The following MCTP1 variants were observed in gnomAD, a reference collection of about 807,000 sequenced individuals.
MCTP1 encodes multiple C2 and transmembrane domain-containing protein 1.
A neutral mutation model predicts 120.6 loss-of-function variants in MCTP1; 69 were observed. The ratio of observed to expected loss-of-function variants is 0.57; its 90% CI spans 0.47 to 0.70. The LOEUF (loss-of-function observed/expected upper bound fraction) is 0.70, where lower values mean the gene tolerates loss of function less well. Ranked by LOEUF, MCTP1 falls within the 30% of genes least tolerant of loss-of-function variation. The pLI, the probability that MCTP1 is intolerant of heterozygous loss-of-function variation, is 0.00. For missense variants in MCTP1, 1,203 were observed against 1,248.8 expected, an observed-to-expected ratio of 0.96 and a Z score of 0.55; for synonymous variants, 529 against 493.1, an observed-to-expected ratio of 1.07 and a Z score of -0.96.
chr5:94,840,553 C>T (rs982871820), intron 17 of MCTP1, among the ~76,000 whole-genome samples: 3 of 152,166 alleles, frequency 2.0e-5, no homozygotes, highest in Admixed American at 6.5e-5. Context: ...GGTTCTCACC[C>T]TTTTCATATA....
intron 1 of MCTP1, among the ~76,000 whole-genome samples, chr5:95,229,863 C>T (rs1220999827): frequency 6.6e-6 from 1 of 151,946 alleles, no homozygotes; most frequent in Non-Finnish European, 1.5e-5. Context: ...TGGGAAAAGT[C>T]CCTGGGAAAA....
At chr5:95,009,056 A>AAGAGAGAGAGAGAGAGAG (rs201724037) in intron 2 of MCTP1, among the ~76,000 whole-genome samples, 5 of 129,558 alleles carry the variant, frequency 3.9e-5, no homozygotes, top group South Asian at 2.7e-4. Flanking sequence ...GAGAGGGAGA[A>AAGAGAGAGAGAGAGAGAG]AGAGAGAGAG....
intron 20 of MCTP1, among the ~76,000 whole-genome samples, chr5:94,712,028 A>G (rs900985189): frequency 6.6e-6 from 1 of 152,096 alleles, no homozygotes; most frequent in Admixed American, 6.6e-5. Context: ...AATTTCTCCT[A>G]AGTGTTCATC....
chr5:95,011,146 T>C lies in MCTP1; in HGVS notation c.838+6221A>G, dbSNP rs555981476. ...GTTTCTATTTTTCTCTTTGTAATTCTTACACAGCTCATGGAGAAATACTTC... is the reference window on the plus strand; with the variant it reads ...GTTTCTATTTTTCTCTTTGTAATTCCTACACAGCTCATGGAGAAATACTTC... On this transcript the variant is annotated intron_variant, in intron 2 of 22. Transcript: ENST00000515393. 2.0e-5 allele frequency among the ~76,000 whole-genome samples: 3 copies of C among 152,260 alleles called. No individual in the cohort carries two copies. The South Asian group carries it at 6.2e-4, about 32-fold the overall frequency.
chr5:95,141,370 A>G (rs1759917582), intron 1 of MCTP1, among the ~76,000 whole-genome samples: 2 of 152,366 alleles, frequency 1.3e-5, no homozygotes, highest in Admixed American at 1.3e-4. Flanking sequence ...ACACTTCAGT[A>G]ATCCACTAAA....
chr5:95,211,408 G>A (rs200712996), intron 1 of MCTP1, among the ~76,000 whole-genome samples: 180 of 151,934 alleles, frequency 1.2e-3, no homozygotes, highest in East Asian at 4.1e-3. Flanking sequence ...TTCCCTTCTC[G>A]CTTCATTTAA....
In MCTP1 at chr5:94,758,976, G is replaced by T. The variant is rs1770632935; in HGVS notation, c.2610+20134C>A. ...CCTTTTTTAATGCTATGAAATTCAT[G>T]CTGAGTAGAGAAAACCTATGCTTGA... On this transcript the variant is annotated intron_variant, in intron 19 of 22. Coordinates refer to ENST00000515393, the MANE Select transcript of MCTP1 (RefSeq NM_024717.7). Among the ~76,000 whole-genome samples the T allele has an allele frequency of 2.0e-5, 3 of 152,082 alleles. No individual in the cohort carries two copies. The South Asian group carries it at 6.2e-4, about 32-fold the overall frequency.
intron 1 of MCTP1, among the ~76,000 whole-genome samples, chr5:95,132,723 A>C (rs1323831222): frequency 6.6e-6 from 1 of 151,984 alleles, no homozygotes; most frequent in African/African-American, 2.4e-5. Flanking sequence ...AGCTTACATC[A>C]TTTCCTCGGG....
chr5:95,223,739 A>G (rs572247298), intron 1 of MCTP1, among the ~76,000 whole-genome samples: 14 of 152,332 alleles, frequency 9.2e-5, no homozygotes, highest in African/African-American at 3.4e-4. Context: ...AAGGAACACC[A>G]AACACTGCAA....
intron 1 of MCTP1, among the ~76,000 whole-genome samples, chr5:95,274,529 T>C (rs1005855718): frequency 1.3e-4 from 20 of 152,206 alleles, no homozygotes; most frequent in African/African-American, 4.8e-4. Flanking sequence ...TCCCTCTCCA[T>C]AGGCTCTGCC....
At chr5:94,951,071 C>G (rs1362750940) in intron 3 of MCTP1, among the ~76,000 whole-genome samples, 2 of 152,008 alleles carry the variant, frequency 1.3e-5, no homozygotes, top group African/African-American at 2.4e-5. Flanking sequence ...GAATAACATA[C>G]ATTGCACCCA....
intron 1 of MCTP1, among the ~76,000 whole-genome samples, chr5:95,177,555 G>A (rs919774783): frequency 6.6e-6 from 1 of 152,138 alleles, no homozygotes; most frequent in Non-Finnish European, 1.5e-5. Flanking sequence ...CTATTATCCA[G>A]TTATATCACT....
In MCTP1 at chr5:94,917,935, G is replaced by A. The variant is rs1403712578; in HGVS notation, c.1311C>T (p.Cys437=). The A allele has an allele frequency of 6.2e-7, 1 of 1,614,000 alleles. No homozygotes were observed. Among genetic ancestry groups the A allele is most frequent in the Admixed American group, 1.7e-5 (1 of 60,016 alleles). Residue 437 remains cysteine, a synonymous_variant, in exon 8 of 23, where the codon TGC becomes TGT. Transcript: ENST00000515393. ...GRPALPVLGF[C]RAELQNPYCK... The stretch of plus-strand genomic sequence containing the variant: ...AATAAGGATTCTGAAGCTCTGCTCT[G>A]CAGAAGCCCAGGACAGGAAGAGCTG...
intron 1 of MCTP1, among the ~76,000 whole-genome samples, chr5:95,125,562 C>T (rs575652808): frequency 6.6e-6 from 1 of 152,222 alleles, no homozygotes; most frequent in East Asian, 1.9e-4. Flanking sequence ...TCCATCCCCA[C>T]ACAAAGATGC....
chr5:94,759,246 A>T (rs1011308419), intron 19 of MCTP1, among the ~76,000 whole-genome samples: 3 of 152,366 alleles, frequency 2.0e-5, no homozygotes, highest in Admixed American at 1.3e-4. Flanking sequence ...GAGAAAAGAC[A>T]TCACGTAGAG....
intron 17 of MCTP1, among the ~76,000 whole-genome samples, chr5:94,850,949 T>C (rs1024763206): frequency 3.9e-5 from 6 of 152,136 alleles, no homozygotes; most frequent in Non-Finnish European, 8.8e-5. Context: ...AATTTATTTG[T>C]TCAGAACTAT....
chr5:94,962,348 T>C (rs1824472080), intron 2 of MCTP1, among the ~76,000 whole-genome samples: 1 of 151,922 alleles, frequency 6.6e-6, no homozygotes, highest in South Asian at 2.1e-4. Flanking sequence ...TGCACATGCA[T>C]GTTTAAGGCA....
chr5:94,988,515 T>C lies in MCTP1; in HGVS notation c.838+28852A>G, dbSNP rs560010798. Among the ~76,000 whole-genome samples, 7 of 152,234 alleles carry C rather than the reference T, an allele frequency of 4.6e-5. No homozygotes were observed. The East Asian group carries it at 1.2e-3, about 25-fold the overall frequency. Reference sequence around the variant, plus strand: ...AGTGAAATGAAAGTGTTCTTCAGCATTCTGTTCATTGGATGCTATAAAAAT... The same window carrying C: ...AGTGAAATGAAAGTGTTCTTCAGCACTCTGTTCATTGGATGCTATAAAAAT... On this transcript the variant is annotated intron_variant, in intron 2 of 22. Coordinates refer to ENST00000515393, the MANE Select transcript of MCTP1 (RefSeq NM_024717.7).
intron 13 of MCTP1, 37 bp from the exon 14 acceptor site, chr5:94,871,454 T>A: frequency 7.1e-7 from 1 of 1,403,372 alleles, no homozygotes. Context: ...AAAGATTTCA[T>A]CAGTAGGAAA....
Sources: allele counts gnomAD v4.1 joint callset (sites outside exome capture counted in the v4.1 genomes callset), GRCh38; gene constraint gnomAD v4.1.1; transcripts MANE v1.5; gene names NCBI Gene and HGNC (gene_info 2026-07-23, HGNC 2026-07-21).